SYN3: variants seen among roughly 807,000 people sequenced by gnomAD.
SYN3 encodes synapsin-3.
In SYN3, 35 loss-of-function variants were observed where a neutral mutation model predicts 65.8. The ratio of observed to expected loss-of-function variants is 0.53; its 90% CI spans 0.41 to 0.70. The LOEUF (loss-of-function observed/expected upper bound fraction) is 0.70. Ranked by LOEUF, SYN3 falls within the 30% of genes least tolerant of loss-of-function variation. The pLI is 0.00. For synonymous variants in SYN3, 270 were observed against 292.9 expected (o/e 0.92, Z 0.80); for missense variants, 680 against 749.0 (o/e 0.91, Z 1.08).
chr22:32,508,851 A>AC lies in SYN3; in HGVS notation c.*4840dup, dbSNP rs1282695590. On this transcript the variant is annotated 3_prime_UTR_variant, in exon 14 of 14. Transcript: ENST00000358763. ...CACTCTCTTGACCCATGCACAAGAT[A>AC]CCTGCACTAGCTTGCCAGATGAGAA... 6.6e-6 allele frequency among the ~76,000 whole-genome samples: 1 copy of AC among 152,212 alleles called. No homozygotes were observed. Among genetic ancestry groups the AC allele is most frequent in the African/African-American group, 2.4e-5 (1 of 41,456 alleles).
At chr22:32,726,289 T>A (rs577991123) in intron 6 of SYN3, among the ~76,000 whole-genome samples, 1 of 152,190 alleles carries the variant, frequency 6.6e-6, no homozygotes, top group Admixed American at 6.5e-5. Context: ...ATTATAGGCA[T>A]ACGCCACCAC....
chr22:32,778,600 A>AT (rs1317593920), intron 6 of SYN3, among the ~76,000 whole-genome samples: 2 of 152,016 alleles, frequency 1.3e-5, no homozygotes, highest in Admixed American at 6.6e-5. Context: ...CCAAGACTGC[A>AT]TTTTTTTAAT....
chr22:32,547,335 C>T (rs952898774), intron 7 of SYN3, among the ~76,000 whole-genome samples: 2 of 152,008 alleles, frequency 1.3e-5, no homozygotes, highest in Non-Finnish European at 1.5e-5. Context: ...CACCTCTTTC[C>T]TCCTTGATTT....
chr22:33,026,634 A>T lies in SYN3; in HGVS notation c.-162-19810T>A, dbSNP rs914186324. On this transcript the variant is annotated intron_variant, in intron 1 of 13. Transcript: ENST00000358763. ...AGTTCCCAGTAATCCGGTGAGTCCCAGTGTCTAGGCTCTGCCTTGAATCTC... is the reference window on the plus strand; with the variant it reads ...AGTTCCCAGTAATCCGGTGAGTCCCTGTGTCTAGGCTCTGCCTTGAATCTC... Among the ~76,000 whole-genome samples the T allele has an allele frequency of 3.9e-5, 6 of 152,310 alleles. 1 individual carries two copies. Among genetic ancestry groups the T allele is most frequent in the East Asian group, 1.9e-4 (1 of 5,178 alleles).
intron 7 of SYN3, among the ~76,000 whole-genome samples, chr22:32,584,742 ATTCT>A (rs1481527197): frequency 1.3e-5 from 2 of 152,034 alleles, no homozygotes; most frequent in South Asian, 2.1e-4. Context: ...AGAGGGTGGT[ATTCT>A]TTCTTTCTTT....
At chr22:33,045,004 G>A (rs550276850) in intron 1 of SYN3, among the ~76,000 whole-genome samples, 15 of 151,900 alleles carry the variant, frequency 9.9e-5, no homozygotes, top group South Asian at 2.1e-4. Context: ...CACCACACCC[G>A]GCTAATTTTT....
At chr22:32,592,355 T>A (rs985916112) in intron 7 of SYN3, among the ~76,000 whole-genome samples, 1 of 152,230 alleles carries the variant, frequency 6.6e-6, no homozygotes. Flanking sequence ...CCCAACCACT[T>A]GTCTAACCTG....
chr22:32,854,984 A>C (rs1353156465), intron 6 of SYN3, among the ~76,000 whole-genome samples: 2 of 152,224 alleles, frequency 1.3e-5, no homozygotes, highest in Non-Finnish European at 2.9e-5. Context: ...TCACAGGCCA[A>C]ATGGGAGGCA....
intron 1 of SYN3, among the ~76,000 whole-genome samples, chr22:33,037,256 G>A (rs1179744936): frequency 6.6e-6 from 1 of 152,100 alleles, no homozygotes; most frequent in Non-Finnish European, 1.5e-5. Context: ...GCTCAGAAAG[G>A]TGGCGTCACT....
At chr22:32,861,143 T>G (rs1000292896) in intron 6 of SYN3, 1 of 148,502 alleles carries the variant, frequency 6.7e-6, no homozygotes, top group Non-Finnish European at 1.5e-5. Context: ...CATTCCACTT[T>G]AGGAAACAGA....
At chr22:32,637,296 T>G (rs2059829896) in intron 6 of SYN3, among the ~76,000 whole-genome samples, 1 of 152,206 alleles carries the variant, frequency 6.6e-6, no homozygotes, top group South Asian at 2.1e-4. Context: ...CTCAGTTTCC[T>G]TAACTTCAAA....
intron 6 of SYN3, among the ~76,000 whole-genome samples, chr22:32,671,756 C>T (rs2060372699): frequency 6.6e-6 from 1 of 151,288 alleles, no homozygotes; most frequent in Admixed American, 6.6e-5. Context: ...CACAGGTGCA[C>T]ACACACTGTC....
At chr22:33,030,808 G>A (rs1171324533) in intron 1 of SYN3, among the ~76,000 whole-genome samples, 1 of 151,880 alleles carries the variant, frequency 6.6e-6, no homozygotes, top group Non-Finnish European at 1.5e-5. Context: ...CCCCCAGAGA[G>A]AGAGAAACAG....
intron 6 of SYN3, among the ~76,000 whole-genome samples, chr22:32,615,432 TAAAAA>T (rs1190319833): frequency 2.7e-5 from 2 of 74,416 alleles, no homozygotes; most frequent in African/African-American, 1.3e-4. Flanking sequence ...AGACTTCATC[TAAAAA>T]AAAAAAAAAA....
intron 7 of SYN3, among the ~76,000 whole-genome samples, chr22:32,542,760 C>T (rs2058278674): frequency 6.6e-6 from 1 of 151,776 alleles, no homozygotes; most frequent in African/African-American, 2.4e-5. Flanking sequence ...AGAGAGGTGT[C>T]CTGGGCTTGG....
At chr22:32,973,078 T>C (rs2052070135) in intron 3 of SYN3, among the ~76,000 whole-genome samples, 1 of 152,116 alleles carries the variant, frequency 6.6e-6, no homozygotes, top group African/African-American at 2.4e-5. Context: ...TCAGTGACAA[T>C]AGTGACAGTG....
intron 4 of SYN3, among the ~76,000 whole-genome samples, chr22:32,880,979 C>T (rs903970460): frequency 8.5e-5 from 13 of 152,278 alleles, no homozygotes; most frequent in Non-Finnish European, 1.5e-4. Context: ...AGTGGCATGT[C>T]GCCGGGAGGC....
Position 32,655,102 on chromosome 22 carries a change from T to C in SYN3, c.712-58366A>G, listed in dbSNP as rs2060124230. 2.6e-5 allele frequency among the ~76,000 whole-genome samples: 4 copies of C among 152,336 alleles called. No homozygotes were observed. The South Asian group carries it at 8.3e-4, about 32-fold the overall frequency. On this transcript the variant is annotated intron_variant, in intron 6 of 13. Transcript: ENST00000358763. The stretch of plus-strand genomic sequence containing the variant: ...TGTTGTAGCTTAAACCCCAAGGTGA[T>C]GGTATGAAGAGATGGGGCCTTTGGG...
At chr22:32,768,627 T>A (rs996317235) in intron 6 of SYN3, among the ~76,000 whole-genome samples, 1 of 133,536 alleles carries the variant, frequency 7.5e-6, no homozygotes, top group Non-Finnish European at 1.6e-5. Context: ...CTATGTACTA[T>A]AAACACTCTG....
Sources: allele counts gnomAD v4.1 joint callset (sites outside exome capture counted in the v4.1 genomes callset), GRCh38; gene constraint gnomAD v4.1.1; transcripts MANE v1.5; gene names NCBI Gene and HGNC (gene_info 2026-07-23, HGNC 2026-07-21).